The following FAM117A variants were observed in gnomAD, a reference collection of about 807,000 sequenced individuals.
FAM117A encodes the protein protein FAM117A.
In FAM117A, 21 loss-of-function variants were observed where a neutral mutation model predicts 44.1. The observed-to-expected ratio is 0.48, with a 90% CI of 0.34 to 0.69. The LOEUF (loss-of-function observed/expected upper bound fraction) is 0.69, where lower values mean the gene tolerates loss of function less well. Ranked by LOEUF, FAM117A falls within the 30% of genes least tolerant of loss-of-function variation. FAM117A has a pLI of 0.01. For missense variants in FAM117A, 498 were observed against 589.9 expected (o/e 0.84, Z 1.61); for synonymous variants, 220 against 238.3 (o/e 0.92, Z 0.71).
chr17:49,756,903 T>A (rs1213217348), intron 1 of FAM117A, among the ~76,000 whole-genome samples: 1 of 126,188 alleles, frequency 7.9e-6, no homozygotes, highest in East Asian at 2.3e-4. Flanking sequence ...AGCTATAGAA[T>A]GAGACTCTGC....
At chr17:49,724,589 T>C in intron 2 of FAM117A, 1 of 425,642 alleles carries the variant, frequency 2.3e-6, no homozygotes, top group South Asian at 1.7e-5. Context: ...TCCCAACACT[T>C]TGGGAGACTG....
chr17:49,741,921 C>T (rs921996057), intron 1 of FAM117A, among the ~76,000 whole-genome samples: 3 of 152,060 alleles, frequency 2.0e-5, no homozygotes, highest in Admixed American at 2.0e-4. Context: ...TATGACTGTA[C>T]AAGAGTTAGA....
upstream of FAM117A, chr17:49,788,765 C>A (rs2073840757): frequency 6.5e-7 from 1 of 1,530,830 alleles, no homozygotes; most frequent in African/African-American, 1.4e-5. Flanking sequence ...CCACGGAGCC[C>A]GCCGGAGCCA....
intron 1 of FAM117A, among the ~76,000 whole-genome samples, chr17:49,735,766 A>G (rs1287185225): frequency 6.6e-6 from 1 of 152,134 alleles, no homozygotes; most frequent in Non-Finnish European, 1.5e-5. Flanking sequence ...CACCCGACCC[A>G]TTCCTATATT....
intron 1 of FAM117A, among the ~76,000 whole-genome samples, chr17:49,735,362 C>T (rs2073606218): frequency 6.6e-6 from 1 of 151,836 alleles, no homozygotes; most frequent in Admixed American, 6.6e-5. Flanking sequence ...TGCACTCCAG[C>T]CTGGGCAACA....
upstream of FAM117A, chr17:49,788,672 G>C (rs993104270): frequency 1.5e-6 from 1 of 679,028 alleles, no homozygotes; most frequent in African/African-American, 1.9e-5. Context: ...TTCAGCCCGC[G>C]GCGCCTGCGC....
At chr17:49,723,189 C>T (rs537762338) in intron 2 of FAM117A, among the ~76,000 whole-genome samples, 9 of 152,244 alleles carry the variant, frequency 5.9e-5, no homozygotes, top group East Asian at 1.9e-4. Context: ...CCCCTGCCCC[C>T]GCTGCAAATA....
At chr17:49,787,836 C>T (rs2073825139) in intron 1 of FAM117A, among the ~76,000 whole-genome samples, 1 of 152,210 alleles carries the variant, frequency 6.6e-6, no homozygotes, top group South Asian at 2.1e-4. Flanking sequence ...TCACTAAAAA[C>T]ATTCCTTCCT....
intron 1 of FAM117A, among the ~76,000 whole-genome samples, chr17:49,735,368 C>T (rs1164608217): frequency 6.6e-6 from 1 of 150,970 alleles, no homozygotes; most frequent in Non-Finnish European, 1.5e-5. Context: ...CCAGCCTGGG[C>T]AACACAGCAA....
At chr17:49,721,733 G>A (rs1230530325) in intron 3 of FAM117A, among the ~76,000 whole-genome samples, 2 of 152,220 alleles carry the variant, frequency 1.3e-5, no homozygotes. Flanking sequence ...GAGCACTCCT[G>A]AGGGAGAGGG....
intron 1 of FAM117A, among the ~76,000 whole-genome samples, chr17:49,787,637 C>G (rs1452214680): frequency 2.0e-5 from 3 of 152,212 alleles, no homozygotes; most frequent in Admixed American, 2.0e-4. Context: ...GGGTTCCACC[C>G]AGTCGCAATT....
chr17:49,711,704 C>T (rs1461322436), intron 7 of FAM117A, 149 bp from the exon 8 acceptor site: 13 of 667,924 alleles, frequency 1.9e-5, no homozygotes, highest in Admixed American at 1.9e-4. Flanking sequence ...AACCAAGCCC[C>T]TCATCTCTCT....
In FAM117A at chr17:49,769,451, C is replaced by T. The variant is rs148966363; in HGVS notation, c.-621+19046G>A. Among the ~76,000 whole-genome samples, 376 of 152,226 alleles carry T rather than the reference C, an allele frequency of 2.5e-3. 3 individuals are homozygous for T. Among genetic ancestry groups the T allele is most frequent in the East Asian group, 0.021 (108 of 5,166 alleles). ...CGGTGGCTCACGCCTGTAATCCTAA[C>T]GCTTTGGGAGGCCGAAGCAGGTGGA... On this transcript the variant is annotated intron_variant, in intron 1 of 7. Coordinates refer to the FAM117A transcript ENST00000513602.
rs1347589083 is a variant in FAM117A, at chr17:49,740,278, C to T, written c.197-7558G>A. Among the ~76,000 whole-genome samples, 5 of 151,000 alleles carry T rather than the reference C, an allele frequency of 3.3e-5. No individual in the cohort carries two copies. In the East Asian group the frequency reaches 9.7e-4, roughly 29 times the overall value. ...TTTTTTTTTTTTTGAGAGGGAGTCT[C>T]ACTCTGTCCCTCAGGCTGGAGTGCA... is the stretch of plus-strand genomic sequence containing the variant. On this transcript the variant is annotated intron_variant, in intron 1 of 7. Coordinates refer to ENST00000240364, the MANE Select transcript of FAM117A (RefSeq NM_030802.4).
intron 1 of FAM117A, among the ~76,000 whole-genome samples, chr17:49,738,542 C>T (rs915192528): frequency 6.6e-6 from 1 of 152,232 alleles, no homozygotes; most frequent in African/African-American, 2.4e-5. Context: ...CTAAATCAAA[C>T]AGGAGGACTT....
At chr17:49,766,199 C>T (rs2073745488), upstream of FAM117A, among the ~76,000 whole-genome samples, 1 of 152,232 alleles carries the variant, frequency 6.6e-6, no homozygotes, top group East Asian at 1.9e-4. Flanking sequence ...GGTAGCCTGA[C>T]TCCAGAGCTG....
Position 49,717,727 on chromosome 17 carries a change from G to A in FAM117A, c.709-13C>T, listed in dbSNP as rs923092098. 3 of 1,580,760 alleles carry A rather than the reference G, an allele frequency of 1.9e-6. 1 individual carries two copies. In the Middle Eastern group the frequency reaches 5.1e-4, roughly 268 times the overall value. Reference sequence around the variant, plus strand: ...GGATATCAAGGATCTAACGGGGAAGGACGGTAAAGACTGTCAGCCCTGAGT... The same window carrying A: ...GGATATCAAGGATCTAACGGGGAAGAACGGTAAAGACTGTCAGCCCTGAGT... On this transcript the variant is annotated splice_polypyrimidine_tract_variant and intron_variant, in intron 5 of 7. Transcript: ENST00000240364.
intron 1 of FAM117A, 57 bp downstream of exon 1, chr17:49,763,831 GTCAC>G: frequency 3.5e-6 from 2 of 566,822 alleles, no homozygotes; most frequent in Non-Finnish European, 4.6e-6. Flanking sequence ...CCCTCCCGCG[GTCAC>G]GCGCCCCCCC....
chr17:49,726,767 A>G (rs1310545512), intron 2 of FAM117A, among the ~76,000 whole-genome samples: 2 of 152,062 alleles, frequency 1.3e-5, no homozygotes, highest in Non-Finnish European at 2.9e-5. Flanking sequence ...GCTTGAGGCC[A>G]GGAGTTCAAA....
Sources: allele counts gnomAD v4.1 joint callset (sites outside exome capture counted in the v4.1 genomes callset), GRCh38; gene constraint gnomAD v4.1.1; transcripts MANE v1.5; gene names NCBI Gene and HGNC (gene_info 2026-07-23, HGNC 2026-07-21).